The following MALRD1 variants were observed in gnomAD, a reference collection of about 807,000 sequenced individuals.
MALRD1 encodes the protein MAM and LDL receptor class A domain containing 1.
Under a neutral mutation model 242.1 loss-of-function variants are expected in MALRD1, and 247 were observed. The ratio of observed to expected loss-of-function variants is 1.02; its 90% CI spans 0.92 to 1.13. MALRD1 has a LOEUF of 1.13. Among genes scored for constraint, MALRD1 ranks in the 50% most tolerant of loss-of-function variants. The pLI is 0.00. For missense variants in MALRD1, 2,989 were observed against 2,533.1 expected (o/e 1.18, Z -3.86); for synonymous variants, 995 against 866.6 (o/e 1.15, Z -2.60).
chr10:19,626,203 A>T (rs774421726), intron 36 of MALRD1, among the ~76,000 whole-genome samples: 3 of 152,076 alleles, frequency 2.0e-5, no homozygotes, highest in Non-Finnish European at 2.9e-5. Flanking sequence ...ACATAGGAGA[A>T]ATCTAAAAGT....
At chr10:19,205,290 T>C in intron 17 of MALRD1, 25 bp downstream of exon 17, 1 of 1,512,058 alleles carries the variant, frequency 6.6e-7, no homozygotes, top group Non-Finnish European at 8.8e-7. Flanking sequence ...GTTGGGGGAT[T>C]CTCTTTCTCA....
At chr10:19,101,678 A>T (rs1034994437) in intron 4 of MALRD1, among the ~76,000 whole-genome samples, 18 of 135,372 alleles carry the variant, frequency 1.3e-4, no homozygotes, top group Non-Finnish European at 2.6e-4. Flanking sequence ...TGTATATAAG[A>T]TATAGGTATA....
chr10:19,288,536 T>A (rs1841251583), intron 21 of MALRD1, among the ~76,000 whole-genome samples: 1 of 152,094 alleles, frequency 6.6e-6, no homozygotes, highest in Non-Finnish European at 1.5e-5. Context: ...GCTCCTCACA[T>A]ATACATGGTA....
At chr10:19,300,821 T>TG (rs1305147357) in intron 21 of MALRD1, among the ~76,000 whole-genome samples, 1 of 151,780 alleles carries the variant, frequency 6.6e-6, no homozygotes, top group Non-Finnish European at 1.5e-5. Context: ...CATAAGCAGA[T>TG]GCCAAAGCAA....
chr10:19,634,845 T>C (rs1261459354), intron 36 of MALRD1, among the ~76,000 whole-genome samples: 1 of 152,108 alleles, frequency 6.6e-6, no homozygotes, highest in Non-Finnish European at 1.5e-5. Context: ...CAAAGCTAAA[T>C]TGGCTGGACA....
chr10:19,544,630 A>G (rs1835129343), intron 32 of MALRD1, among the ~76,000 whole-genome samples: 1 of 151,982 alleles, frequency 6.6e-6, no homozygotes, highest in African/African-American at 2.4e-5. Context: ...TATGAATGAA[A>G]ATTAATAATC....
At chr10:19,063,151 CA>C (rs1375060091) in intron 1 of MALRD1, among the ~76,000 whole-genome samples, 24 of 149,942 alleles carry the variant, frequency 1.6e-4, no homozygotes, top group African/African-American at 2.7e-4. Context: ...GTCCCCCCCC[CA>C]AAAAAAAAGT....
chr10:19,404,902 C>A (rs1847024070), intron 28 of MALRD1, among the ~76,000 whole-genome samples: 1 of 152,120 alleles, frequency 6.6e-6, no homozygotes, highest in African/African-American at 2.4e-5. Context: ...ATACGAAATT[C>A]TATGCACAGA....
chr10:19,165,747 T>C lies in MALRD1; in HGVS notation c.1767T>C (p.Ser589=). Residue 589 remains serine (S), a synonymous_variant, in exon 13 of 40, where the codon TCT becomes TCC. Transcript: ENST00000454679. ...KQGKIIRFSE[S]QWSHAKIDLI... ...GCAAAATAATCAGATTCTCCGAATCTCAGTGGAGCCACGCAAAAATTGATC... is the reference window on the plus strand; with the variant it reads ...GCAAAATAATCAGATTCTCCGAATCCCAGTGGAGCCACGCAAAAATTGATC... 8.1e-7 allele frequency: 1 copy of C among 1,231,724 alleles called. No homozygotes were observed. The allele number at this position is 1,231,724 out of a possible 1,614,324, so 76.3% of individuals were successfully genotyped here. A position where few individuals can be genotyped will look rare whatever the true frequency, so the allele number is the denominator to read the frequency against.
At chr10:19,552,012 C>T (rs896962611) in intron 32 of MALRD1, among the ~76,000 whole-genome samples, 4 of 151,914 alleles carry the variant, frequency 2.6e-5, no homozygotes, top group African/African-American at 7.3e-5. Context: ...TTGAGGATTT[C>T]TGCATTCATG....
intron 35 of MALRD1, among the ~76,000 whole-genome samples, chr10:19,610,908 C>G (rs899221467): frequency 6.6e-6 from 1 of 151,886 alleles, no homozygotes; most frequent in East Asian, 1.9e-4. Flanking sequence ...AGGCCAGTCC[C>G]TGACACATAG....
intron 33 of MALRD1, among the ~76,000 whole-genome samples, chr10:19,585,708 T>A (rs368990158): frequency 5.3e-5 from 8 of 152,178 alleles, no homozygotes; most frequent in East Asian, 3.9e-4. Context: ...TGTGTCTTGG[T>A]GTTGCTCTTC....
At chr10:19,700,144 T>G (rs893822146) in intron 38 of MALRD1, among the ~76,000 whole-genome samples, 3 of 151,312 alleles carry the variant, frequency 2.0e-5, no homozygotes, top group Admixed American at 2.0e-4. Context: ...CCCACTGCAA[T>G]AGAAGACACC....
chr10:19,690,006 G>A (rs985816753), intron 36 of MALRD1, among the ~76,000 whole-genome samples: 14 of 151,910 alleles, frequency 9.2e-5, no homozygotes, highest in South Asian at 4.1e-4. Flanking sequence ...AAATTATCTC[G>A]AAAACATGTA....
intron 14 of MALRD1, among the ~76,000 whole-genome samples, chr10:19,184,279 C>T (rs1323206091): frequency 6.6e-6 from 1 of 152,144 alleles, no homozygotes; most frequent in Admixed American, 6.5e-5. Context: ...AACTTGGCAT[C>T]AGGACAAACC....
intron 33 of MALRD1, among the ~76,000 whole-genome samples, chr10:19,569,747 T>C (rs1026294310): frequency 4.1e-5 from 6 of 147,200 alleles, no homozygotes; most frequent in Admixed American, 2.1e-4. Context: ...AGTCCATATA[T>C]AGAATTCCAT....
chr10:19,314,531 A>C (rs905931786), intron 21 of MALRD1, among the ~76,000 whole-genome samples: 1 of 151,650 alleles, frequency 6.6e-6, no homozygotes, highest in Non-Finnish European at 1.5e-5. Context: ...GGGTGTCCGA[A>C]TACTTATGTA....
intron 26 of MALRD1, among the ~76,000 whole-genome samples, chr10:19,372,327 T>C (rs1478107295): frequency 1.3e-5 from 2 of 151,962 alleles, no homozygotes. Flanking sequence ...AAAGGTAAAA[T>C]TGAAAAATCA....
intron 2 of MALRD1, among the ~76,000 whole-genome samples, chr10:19,068,111 C>A (rs1180662257): frequency 6.6e-6 from 1 of 151,974 alleles, no homozygotes; most frequent in Admixed American, 6.6e-5. Context: ...ATTGCTGATT[C>A]CATATGTCTC....
Sources: gnomAD v4.1 joint callset for allele counts (sites outside exome capture counted in the v4.1 genomes callset) on GRCh38, gnomAD v4.1.1 for gene constraint, MANE v1.5 for transcripts, NCBI Gene and HGNC (gene_info 2026-07-23, HGNC 2026-07-21) for gene names.